The following CLSTN2 variants were observed in gnomAD, a reference collection of about 807,000 sequenced individuals.
The protein encoded by CLSTN2 is calsyntenin 2.
Under a neutral mutation model 101.2 loss-of-function variants are expected in CLSTN2, and 48 were observed. The ratio of observed to expected loss-of-function variants is 0.47; its 90% CI spans 0.38 to 0.60. CLSTN2 has a LOEUF of 0.60. Among genes scored for constraint, CLSTN2 ranks in the 20% least tolerant of loss-of-function variants. CLSTN2 has a pLI of 0.00. For synonymous variants in CLSTN2, 481 were observed against 463.6 expected, an observed-to-expected ratio of 1.04 and a Z score of -0.48; for missense variants, 1,160 against 1,238.2, an observed-to-expected ratio of 0.94 and a Z score of 0.95.
At chr3:140,309,832 A>G (rs973185603) in intron 2 of CLSTN2, among the ~76,000 whole-genome samples, 1 of 145,676 alleles carries the variant, frequency 6.9e-6, no homozygotes, top group African/African-American at 2.5e-5. Flanking sequence ...TGAACTTCCA[A>G]TCTCTCAGGC....
intron 1 of CLSTN2, among the ~76,000 whole-genome samples, chr3:140,141,205 T>TCTG (rs1012302643): frequency 1.7e-4 from 26 of 152,338 alleles, no homozygotes; most frequent in African/African-American, 5.8e-4. Context: ...GGTGGGGATC[T>TCTG]CTGCTTCTGT....
chr3:140,392,488 A>G (rs1328073054), intron 2 of CLSTN2, among the ~76,000 whole-genome samples: 2 of 152,158 alleles, frequency 1.3e-5, no homozygotes, highest in Non-Finnish European at 2.9e-5. Flanking sequence ...ATAACCAAAC[A>G]TACTTCAAAG....
At chr3:140,302,606 C>T (rs756520337) in intron 2 of CLSTN2, among the ~76,000 whole-genome samples, 17 of 152,192 alleles carry the variant, frequency 1.1e-4, no homozygotes, top group Non-Finnish European at 2.4e-4. Context: ...AAGCAAAACA[C>T]GTGTGGCTAA....
chr3:140,198,633 A>T (rs1179906380), intron 2 of CLSTN2, among the ~76,000 whole-genome samples: 1 of 152,196 alleles, frequency 6.6e-6, no homozygotes, highest in East Asian at 1.9e-4. Context: ...ACTTTATTTA[A>T]TCCTGTAAAG....
At chr3:140,199,477 G>A (rs147312969) in intron 2 of CLSTN2, among the ~76,000 whole-genome samples, 1 of 152,248 alleles carries the variant, frequency 6.6e-6, no homozygotes, top group Non-Finnish European at 1.5e-5. Context: ...CTGATACAGG[G>A]CCAAATTTGG....
intron 2 of CLSTN2, among the ~76,000 whole-genome samples, chr3:140,192,158 T>C (rs2010575352): frequency 6.6e-6 from 1 of 151,992 alleles, no homozygotes; most frequent in Non-Finnish European, 1.5e-5. Flanking sequence ...TATTGATTTC[T>C]AGTTTAATTC....
chr3:140,327,935 G>A (rs181908931), intron 2 of CLSTN2, among the ~76,000 whole-genome samples: 79 of 152,328 alleles, frequency 5.2e-4, no homozygotes, highest in African/African-American at 1.8e-3. Flanking sequence ...AAGCTGAGCT[G>A]TGGGGTTGGG....
At chr3:139,994,150 AG>A (rs1936162255) in intron 1 of CLSTN2, among the ~76,000 whole-genome samples, 1 of 152,192 alleles carries the variant, frequency 6.6e-6, no homozygotes, top group Non-Finnish European at 1.5e-5. Context: ...TCTTATTCAC[AG>A]GGGTCTTCAG....
rs548470137 is a variant in CLSTN2 at position 140,079,750 on chromosome 3, C to CAAA, written c.110-96192_110-96190dup. Among the ~76,000 whole-genome samples, 199 of 106,418 alleles carry CAAA rather than the reference C, an allele frequency of 1.9e-3. 2 individuals are homozygous for CAAA. Among genetic ancestry groups the CAAA allele is most frequent in the African/African-American group, 6.8e-3 (191 of 28,092 alleles). The allele number at this position is 106,418 out of a possible 152,430, so 69.8% of individuals were successfully genotyped here. A position where few individuals can be genotyped will look rare whatever the true frequency, so the allele number is the denominator to read the frequency against. ...TGGACAACAGAGTGAGACTATGTCT[C>CAAA]AAAAAAAAAAAGAAAGAAAAAAAAG... On this transcript the variant is annotated intron_variant, in intron 1 of 16. Coordinates refer to ENST00000458420, the MANE Select transcript of CLSTN2 (RefSeq NM_022131.3).
chr3:140,240,174 C>CTCTATATA (rs1311225528), intron 2 of CLSTN2, among the ~76,000 whole-genome samples: 11 of 13,336 alleles, frequency 8.2e-4, no homozygotes, highest in East Asian at 0.014. Flanking sequence ...CTCTCTCTCT[C>CTCTATATA]TATATATATA....
chr3:140,184,057 G>A (rs1399026667), intron 2 of CLSTN2, among the ~76,000 whole-genome samples: 2 of 152,180 alleles, frequency 1.3e-5, no homozygotes, highest in Non-Finnish European at 2.9e-5. Flanking sequence ...ACTGATCTCA[G>A]CTGGGCTTGT....
At chr3:140,180,786 A>G (rs2010396421) in intron 2 of CLSTN2, among the ~76,000 whole-genome samples, 1 of 152,182 alleles carries the variant, frequency 6.6e-6, no homozygotes, top group Non-Finnish European at 1.5e-5. Flanking sequence ...TGCCCAGAAA[A>G]TTGCCTGGGA....
At chr3:140,336,862 G>T (rs999820) in intron 2 of CLSTN2, among the ~76,000 whole-genome samples, 6,749 of 152,052 alleles carry the variant, frequency 0.044, 526 homozygotes, top group African/African-American at 0.15. Flanking sequence ...ACGGGGCTGC[G>T]TCACAGCTTC....
At chr3:140,523,671 G>A (rs749253427) in intron 8 of CLSTN2, among the ~76,000 whole-genome samples, 2 of 151,984 alleles carry the variant, frequency 1.3e-5, no homozygotes, top group Non-Finnish European at 2.9e-5. Context: ...GGATTAGAAG[G>A]GTTCCCTTAT....
chr3:140,256,111 A>G (rs184072499), intron 2 of CLSTN2, among the ~76,000 whole-genome samples: 146 of 152,328 alleles, frequency 9.6e-4, no homozygotes, highest in African/African-American at 3.4e-3. Context: ...TTCTAGGTCA[A>G]GGTTAGTCCT....
intron 8 of CLSTN2, among the ~76,000 whole-genome samples, chr3:140,514,313 T>C (rs1195678024): frequency 2.6e-5 from 4 of 152,142 alleles, no homozygotes; most frequent in African/African-American, 9.6e-5. Flanking sequence ...GTCATTCTTA[T>C]GCCTTTGCAT....
chr3:140,082,532 C>A (rs1270737371), intron 1 of CLSTN2, among the ~76,000 whole-genome samples: 1 of 152,112 alleles, frequency 6.6e-6, no homozygotes, highest in Admixed American at 6.6e-5. Context: ...TTTTGAGAGC[C>A]TCCCACTGTG....
At chr3:140,137,464 G>A (rs912243822) in intron 1 of CLSTN2, among the ~76,000 whole-genome samples, 14 of 151,950 alleles carry the variant, frequency 9.2e-5, no homozygotes, top group Middle Eastern at 3.2e-3. Flanking sequence ...CATAGTTCTC[G>A]CTCTGTGCTT....
chr3:140,120,476 A>C (rs542509904), intron 1 of CLSTN2, among the ~76,000 whole-genome samples: 6 of 152,220 alleles, frequency 3.9e-5, no homozygotes, highest in African/African-American at 1.4e-4. Flanking sequence ...GTTTTTATGA[A>C]GGCTTCATTA....
Sources: gnomAD v4.1 joint callset for allele counts (sites outside exome capture counted in the v4.1 genomes callset) on GRCh38, gnomAD v4.1.1 for gene constraint, MANE v1.5 for transcripts, NCBI Gene and HGNC (gene_info 2026-07-23, HGNC 2026-07-21) for gene names.